SNX27: variants seen among roughly 807,000 people sequenced by gnomAD.
SNX27 encodes sorting nexin 27.
Under a neutral mutation model 71.6 loss-of-function variants are expected in SNX27, and 22 were observed. The observed-to-expected ratio is 0.31, with a 90% CI of 0.22 to 0.44. The LOEUF (loss-of-function observed/expected upper bound fraction) is 0.44. Ranked by LOEUF, SNX27 falls within the 20% of genes least tolerant of loss-of-function variation. The pLI is 1.00. For synonymous variants in SNX27, 269 were observed against 277.2 expected (o/e 0.97, Z 0.29); for missense variants, 531 against 698.6 (o/e 0.76, Z 2.70).
intron 1 of SNX27, among the ~76,000 whole-genome samples, chr1:151,614,969 T>C (rs539008156): frequency 3.3e-5 from 5 of 152,306 alleles, no homozygotes; most frequent in African/African-American, 9.6e-5. Flanking sequence ...AGCCTAGGTA[T>C]AAACTGTAAA....
Position 151,683,390 on chromosome 1 carries a change from C to G in SNX27, c.1184C>G (p.Ala395Gly). The change falls in exon 8 of 12, where the codon GCA becomes GGA. Residue 395 changes from alanine (A) to glycine (G), a missense_variant. Physicochemically the swap from Ala to Gly is moderately conservative, Grantham distance 60. This residue lies in a region of SNX27 where 157 missense variants were observed against 178.4 expected (regional missense o/e 0.88). Transcript: ENST00000458013. ...VDDVKKGYIK[A>G]EEKSYQLQKL... is the part of the protein sequence containing the mutation. ...GATGTGAAGAAAGGTTACATCAAAGCAGAAGAAAAGTCCTATCAATTACAG... is the reference window on the plus strand; with the variant it reads ...GATGTGAAGAAAGGTTACATCAAAGGAGAAGAAAAGTCCTATCAATTACAG... 6.2e-7 allele frequency: 1 copy of G among 1,613,564 alleles called. No homozygotes were observed. The highest frequency in any genetic ancestry group is 8.5e-7 in the Non-Finnish European group (1 of 1,179,850).
rs139515439 is a variant in SNX27 at position 151,643,841 on chromosome 1, A to G, written c.543+4722A>G. Among the ~76,000 whole-genome samples the G allele has an allele frequency of 4.8e-3, 715 of 149,354 alleles. 6 individuals are homozygous for G. The highest frequency in any genetic ancestry group is 0.04 in the Middle Eastern group (11 of 274). On this transcript the variant is annotated intron_variant, in intron 2 of 11. Transcript: ENST00000458013. ...ACGCTCGGCTAATTTTGTATTTTTA[A>G]TAGAGATAGGGTTTCTCCATGTTGG...
At chr1:151,641,714 G>C (rs1219321771) in intron 2 of SNX27, among the ~76,000 whole-genome samples, 1 of 131,182 alleles carries the variant, frequency 7.6e-6, no homozygotes, top group East Asian at 2.2e-4. Flanking sequence ...GATATATATA[G>C]CATATGATAT....
chr1:151,693,008 A>AGG lies in SNX27; in HGVS notation c.1488_1489insGG (p.Pro497GlyfsTer91). On this transcript the variant is annotated frameshift_variant, in exon 10 of 12. Coordinates refer to ENST00000458013, the MANE Select transcript of SNX27 (RefSeq NM_001330723.2). LOFTEE classifies it high-confidence loss of function. Reference sequence around the variant, plus strand: ...TTCGAATATGCACGAGGAGAGAAGAAGCCCCGATGGGTTAAAATCTTCACG... The same window carrying AGG: ...TTCGAATATGCACGAGGAGAGAAGAAGGGCCCCGATGGGTTAAAATCTTCACG... 6.2e-7 allele frequency: 1 copy of AGG among 1,614,198 alleles called. No individual in the cohort carries two copies. The highest frequency in any genetic ancestry group is 8.5e-7 in the Non-Finnish European group (1 of 1,180,028).
In SNX27 at chr1:151,641,729, CAGAT is replaced by C. The variant is rs888434328; in HGVS notation, c.543+2616_543+2619del. ...GATATATATAGCATATGATATATAT[CAGAT>C]AGATATATCAGATACATATATATCA... On this transcript the variant is annotated intron_variant, in intron 2 of 11. Coordinates refer to ENST00000458013, the MANE Select transcript of SNX27 (RefSeq NM_001330723.2). Among the ~76,000 whole-genome samples the C allele has an allele frequency of 1.6e-4, 20 of 128,564 alleles. No individual in the cohort carries two copies. In the East Asian group the frequency reaches 2.5e-3, roughly 16 times the overall value. The allele number at this position is 128,564 out of a possible 152,430, so 84.3% of individuals were successfully genotyped here. A position where few individuals can be genotyped will look rare whatever the true frequency, so the allele number is the denominator to read the frequency against.
intron 7 of SNX27, chr1:151,680,037 G>A (rs1374911654): frequency 6.6e-6 from 1 of 151,430 alleles, no homozygotes; most frequent in Non-Finnish European, 1.5e-5. Flanking sequence ...AGTACTATAT[G>A]TTTTGTTTTT....
rs1181173678 is a variant in SNX27 at position 151,612,257 on chromosome 1, G to A, written c.56G>A (p.Gly19Asp). 4.1e-6 allele frequency: 6 copies of A among 1,446,476 alleles called. No homozygotes were observed. Among genetic ancestry groups the A allele is most frequent in the Non-Finnish European group, 5.4e-6 (6 of 1,102,560 alleles). 89.6% of individuals were successfully genotyped at this position (1,446,476 alleles called of 1,614,324 possible). A position where few individuals can be genotyped will look rare whatever the true frequency, so the allele number is the denominator to read the frequency against. ...CCCTCAGCCCCTCACAGGAACGGAG[G>A]TGGCGGCGGCGGCGGGGGGTCTGGG... is the stretch of plus-strand genomic sequence containing the variant. ...IHPSAPHRNG[G>D]GGGGGGSGLH... Residue 19 changes from glycine (G) to aspartate (D), a missense_variant, in exon 1 of 12, where the codon GGT becomes GAT. This residue lies in a region of SNX27 where 130 missense variants were observed against 143.5 expected (regional missense o/e 0.91). Coordinates refer to ENST00000458013, the MANE Select transcript of SNX27 (RefSeq NM_001330723.2). The surrounding 1 kb of genome is among the most constrained non-coding windows in gnomAD (Gnocchi z 5.2).
chr1:151,639,300 A>G (rs1041415748), intron 2 of SNX27, among the ~76,000 whole-genome samples, 181 bp downstream of exon 2: 1 of 152,238 alleles, frequency 6.6e-6, no homozygotes, highest in Admixed American at 6.5e-5. Flanking sequence ...GGTGAATTAC[A>G]GTAGTGGAAA....
chr1:151,648,133 C>T (rs140609144), intron 2 of SNX27, among the ~76,000 whole-genome samples: 193 of 152,252 alleles, frequency 1.3e-3, no homozygotes, highest in African/African-American at 4.5e-3. Context: ...TGGCACCCTG[C>T]AACCTCTGCC....
intron 7 of SNX27, among the ~76,000 whole-genome samples, chr1:151,674,771 C>T (rs1670600825): frequency 6.6e-6 from 1 of 152,000 alleles, no homozygotes; most frequent in African/African-American, 2.4e-5. Context: ...ACTGCAACCT[C>T]TGCCTCCCGG....
rs1332370789 is a variant in SNX27, at chr1:151,698,025, C to A, written c.*3608C>A. 6.6e-6 allele frequency: 1 copy of A among 152,246 alleles called. No homozygotes were observed. Among genetic ancestry groups the A allele is most frequent in the Non-Finnish European group, 1.5e-5 (1 of 68,100 alleles). The allele number at this position is 152,246 out of a possible 1,614,324, so 9.4% of individuals were successfully genotyped here. A position where few individuals can be genotyped will look rare whatever the true frequency, so the allele number is the denominator to read the frequency against. On this transcript the variant is annotated 3_prime_UTR_variant, in exon 12 of 12. Transcript: ENST00000458013. ...CTCTTTATATGTTTATTCTATTCTC[C>A]ATTTTTCCACCCCGTCCTTACCCTA...
Position 151,663,276 on chromosome 1 carries a change from G to A in SNX27, c.906+1006G>A, listed in dbSNP as rs140772950. Among the ~76,000 whole-genome samples the A allele has an allele frequency of 8.2e-3, 1,239 of 151,324 alleles. 11 individuals are homozygous for A. The highest frequency in any genetic ancestry group is 0.012 in the Non-Finnish European group (821 of 67,852). On this transcript the variant is annotated intron_variant, in intron 5 of 11. Coordinates refer to ENST00000458013, the MANE Select transcript of SNX27 (RefSeq NM_001330723.2). Reference sequence around the variant, plus strand: ...CGCTATTCTCCTGCCTCAGCCTCCCGAGCAGCTGGGACTACAGGCGCCCAC... The same window carrying A: ...CGCTATTCTCCTGCCTCAGCCTCCCAAGCAGCTGGGACTACAGGCGCCCAC...
chr1:151,689,737 C>G (rs150810841), intron 8 of SNX27, among the ~76,000 whole-genome samples: 1 of 152,160 alleles, frequency 6.6e-6, no homozygotes, highest in South Asian at 2.1e-4. Flanking sequence ...TGCTGCTTAT[C>G]GAGCATGTAA....
chr1:151,652,619 G>T (rs535271105), intron 2 of SNX27, among the ~76,000 whole-genome samples: 11 of 151,824 alleles, frequency 7.2e-5, no homozygotes, highest in Non-Finnish European at 1.6e-4. Flanking sequence ...CACCATATTG[G>T]CCAGGCTGGT....
intron 2 of SNX27, among the ~76,000 whole-genome samples, chr1:151,647,275 C>T (rs375353731): frequency 1.7e-4 from 26 of 151,932 alleles, no homozygotes; most frequent in South Asian, 1.7e-3. Context: ...CTCAGCCTTC[C>T]GAATAGCTAA....
At chr1:151,619,404 T>C (rs944934344) in intron 1 of SNX27, among the ~76,000 whole-genome samples, 4 of 152,122 alleles carry the variant, frequency 2.6e-5, no homozygotes, top group Non-Finnish European at 5.9e-5. Flanking sequence ...GGTTTCTTTT[T>C]TCCTCTCACC....
chr1:151,654,290 T>C (rs1669573276), intron 2 of SNX27, among the ~76,000 whole-genome samples: 1 of 152,166 alleles, frequency 6.6e-6, no homozygotes, highest in East Asian at 1.9e-4. Context: ...AGGTAGATGT[T>C]GTGTAGTTCA....
At chr1:151,652,436 C>A (rs1028054320) in intron 2 of SNX27, among the ~76,000 whole-genome samples, 1 of 143,640 alleles carries the variant, frequency 7.0e-6, no homozygotes, top group East Asian at 2.0e-4. Flanking sequence ...TCAGACGGAG[C>A]CTTGCTCTGT....
At chr1:151,626,197 G>T (rs1034848262) in intron 1 of SNX27, among the ~76,000 whole-genome samples, 2 of 150,684 alleles carry the variant, frequency 1.3e-5, no homozygotes, top group Non-Finnish European at 3.0e-5. Flanking sequence ...GGTACCAAAG[G>T]ATTTGAGAAG....
Sources: allele counts gnomAD v4.1 joint callset (sites outside exome capture counted in the v4.1 genomes callset), GRCh38; gene constraint gnomAD v4.1.1; regional missense constraint gnomAD v4.1.1; non-coding constraint Gnocchi (gnomAD v3.1); transcripts MANE v1.5; gene names NCBI Gene and HGNC (gene_info 2026-07-23, HGNC 2026-07-21).